Variants in EIF2S1 observed in about 807,000 individuals in gnomAD.
The protein encoded by EIF2S1 is eukaryotic translation initiation factor 2 subunit alpha.
EIF2S1 carries 5 observed loss-of-function variants against 33.5 expected under a neutral mutation model. That is an observed-to-expected ratio of 0.15 (90% CI 0.08 to 0.31). The LOEUF (loss-of-function observed/expected upper bound fraction) is 0.31. EIF2S1 is among the 10% of genes least tolerant of loss of function. The pLI is 1.00. For missense variants in EIF2S1, 191 were observed against 384.6 expected (o/e 0.50, Z 4.21); for synonymous variants, 99 against 127.5 (o/e 0.78, Z 1.51).
intron 2 of EIF2S1, among the ~76,000 whole-genome samples, chr14:67,368,843 T>G (rs191734242): frequency 1.3e-4 from 19 of 151,658 alleles, no homozygotes; most frequent in Non-Finnish European, 2.4e-4. Context: ...GGCAACATAG[T>G]GAAACTATCT....
chr14:67,361,079 A>G (rs2085734814), intron 1 of EIF2S1, among the ~76,000 whole-genome samples: 1 of 152,208 alleles, frequency 6.6e-6, no homozygotes, highest in African/African-American at 2.4e-5. Context: ...ATGAGAATAG[A>G]ACTGTGTTAA....
At chr14:67,379,815 C>T (rs1319512675) in intron 4 of EIF2S1, among the ~76,000 whole-genome samples, 4 of 150,820 alleles carry the variant, frequency 2.7e-5, no homozygotes, top group East Asian at 2.0e-4. Context: ...CCACTACGCC[C>T]GGCTAATTTT....
chr14:67,382,022 A>C (rs189604722), intron 6 of EIF2S1, among the ~76,000 whole-genome samples: 1 of 152,234 alleles, frequency 6.6e-6, no homozygotes, highest in Non-Finnish European at 1.5e-5. Flanking sequence ...ATCTGTACAC[A>C]TACAAGTTTT....
rs2085889207 is a variant in EIF2S1, at chr14:67,381,807, A to C, written c.678+117A>C. On this transcript the variant is annotated intron_variant, in intron 6 of 7. Transcript: ENST00000256383. ...ATTTCATAACAAAAGTGGGTTTTTT[A>C]CTCTTAAAATTGAGCAGTGGTTCTT... 7.5e-6 allele frequency: 5 copies of C among 670,650 alleles called. No homozygotes were observed. In the Admixed American group the frequency reaches 8.7e-5, roughly 12 times the overall value. The allele number at this position is 670,650 out of a possible 1,614,324, so 41.5% of individuals were successfully genotyped here. A position where few individuals can be genotyped will look rare whatever the true frequency, so the allele number is the denominator to read the frequency against.
chr14:67,360,353 A>T lies in EIF2S1; in HGVS notation c.-105A>T, dbSNP rs2085725507. ...ATGCGCGGTGGAGTGAGCGAAGCGC[A>T]CGCTGAGGAGGATCGGCGGCCGGTG... On this transcript the variant is annotated 5_prime_UTR_variant, in exon 1 of 8. Coordinates refer to ENST00000256383, the MANE Select transcript of EIF2S1 (RefSeq NM_004094.5). 1 of 397,348 alleles carries T rather than the reference A, an allele frequency of 2.5e-6. No individual in the cohort carries two copies. The highest frequency in any genetic ancestry group is 4.4e-6 in the Non-Finnish European group (1 of 225,508). 24.6% of individuals were successfully genotyped at this position (397,348 alleles called of 1,614,324 possible).
chr14:67,377,186 G>T (rs906037229), intron 4 of EIF2S1, among the ~76,000 whole-genome samples: 2 of 151,980 alleles, frequency 1.3e-5, no homozygotes, highest in African/African-American at 4.8e-5. Context: ...TCATTTTAAC[G>T]ACTTTGTTGC....
Position 67,385,166 on chromosome 14 carries a change from C to T in EIF2S1, c.*1726C>T, listed in dbSNP as rs550435405. On this transcript the variant is annotated 3_prime_UTR_variant, in exon 8 of 8. Transcript: ENST00000256383. ...CTGATACCACGAGGAAAAGAACAAA[C>T]AAAACTTAAAAGTATTCATACACCT... 2 of 152,184 alleles carry T rather than the reference C, an allele frequency of 1.3e-5. No individual in the cohort carries two copies. Among genetic ancestry groups the T allele is most frequent in the East Asian group, 3.9e-4 (2 of 5,186 alleles). The allele number at this position is 152,184 out of a possible 1,614,324, so 9.4% of individuals were successfully genotyped here.
At chr14:67,374,324 C>T (rs2085845091) in intron 2 of EIF2S1, 144 bp from the exon 3 acceptor site, 1 of 464,642 alleles carries the variant, frequency 2.2e-6, no homozygotes, top group South Asian at 6.3e-5. Context: ...CCTTGTAATA[C>T]TTATGCAGTA....
Position 67,360,449 on chromosome 14 carries a change from T to C in EIF2S1, c.-9T>C, listed in dbSNP as rs1389018823. On this transcript the variant is annotated 5_prime_UTR_variant, in exon 1 of 8. Coordinates refer to ENST00000256383, the MANE Select transcript of EIF2S1 (RefSeq NM_004094.5). ...GGCTCCAGTGCGGGAATCACACACA[T>C]ACCTCAGGTGACTAATCCCAAGCTC... 1 of 378,772 alleles carries C rather than the reference T, an allele frequency of 2.6e-6. No individual in the cohort carries two copies. The highest frequency in any genetic ancestry group is 4.7e-6 in the Non-Finnish European group (1 of 214,190). The allele number at this position is 378,772 out of a possible 1,614,324, so 23.5% of individuals were successfully genotyped here.
chr14:67,382,485 G>C lies in EIF2S1; in HGVS notation c.717G>C (p.Thr239=), dbSNP rs1803529. The C allele has an allele frequency of 6.2e-7, 1 of 1,613,486 alleles. No homozygotes were observed. Among genetic ancestry groups the C allele is most frequent in the Non-Finnish European group, 8.5e-7 (1 of 1,179,638 alleles). ...LIAPPRYVMT[T]TTLERTEGLS... ...CTCCTCCTCGGTATGTAATGACTAC[G>C]ACAACCCTGGAGAGAACAGAAGGCC... is the stretch of plus-strand genomic sequence containing the variant. The change falls in exon 7 of 8, where the codon ACG becomes ACC. Residue 239 remains threonine, a synonymous_variant. Coordinates refer to ENST00000256383, the MANE Select transcript of EIF2S1 (RefSeq NM_004094.5).
chr14:67,375,232 C>CTGTGTGTGTGTGTGTGTGTGTG (rs3067321), intron 3 of EIF2S1, among the ~76,000 whole-genome samples: 1 of 137,574 alleles, frequency 7.3e-6, no homozygotes, highest in African/African-American at 2.7e-5. Flanking sequence ...ATCCTCAGTT[C>CTGTGTGTGTGTGTGTGTGTGTG]TGTGTGTGTG....
intron 2 of EIF2S1, among the ~76,000 whole-genome samples, chr14:67,370,456 T>G (rs941945939): frequency 2.6e-5 from 4 of 152,060 alleles, no homozygotes; most frequent in Admixed American, 6.5e-5. Context: ...AGAGCAAAAT[T>G]GATAAACCCC....
At chr14:67,365,890 A>G (rs1244319737) in intron 2 of EIF2S1, among the ~76,000 whole-genome samples, 1 of 152,120 alleles carries the variant, frequency 6.6e-6, no homozygotes, top group Non-Finnish European at 1.5e-5. Flanking sequence ...TAGATGATAC[A>G]TAGATTTTGA....
At chr14:67,375,331 C>A (rs1182715211) in intron 3 of EIF2S1, among the ~76,000 whole-genome samples, 1 of 151,264 alleles carries the variant, frequency 6.6e-6, no homozygotes, top group Non-Finnish European at 1.5e-5. Context: ...TCTCAACTTA[C>A]TGCAACCACC....
intron 2 of EIF2S1, among the ~76,000 whole-genome samples, chr14:67,369,466 G>C (rs1477250514): frequency 6.6e-6 from 1 of 152,186 alleles, no homozygotes; most frequent in Non-Finnish European, 1.5e-5. Flanking sequence ...GATCAATGAA[G>C]ACCTTGACTT....
chr14:67,366,883 A>C (rs918078656), intron 2 of EIF2S1, among the ~76,000 whole-genome samples: 4 of 152,192 alleles, frequency 2.6e-5, no homozygotes, highest in African/African-American at 9.7e-5. Context: ...ACCTAAGTAC[A>C]TGCTGAAGAC....
intron 2 of EIF2S1, among the ~76,000 whole-genome samples, chr14:67,368,361 A>G (rs1342797324): frequency 1.3e-5 from 2 of 152,192 alleles, no homozygotes; most frequent in African/African-American, 2.4e-5. Flanking sequence ...TGCTCTGCAT[A>G]AGAAAGGCAT....
intron 2 of EIF2S1, among the ~76,000 whole-genome samples, chr14:67,369,048 T>C (rs1203756797): frequency 6.6e-6 from 1 of 152,244 alleles, no homozygotes; most frequent in African/African-American, 2.4e-5. Context: ...AATTCATTTA[T>C]ATCAGTAATT....
chr14:67,375,440 G>C (rs2085852465), intron 3 of EIF2S1, among the ~76,000 whole-genome samples: 1 of 151,514 alleles, frequency 6.6e-6, no homozygotes, highest in Non-Finnish European at 1.5e-5. Flanking sequence ...GTTCTTAGTG[G>C]TACTGTTTGT....
Sources: gnomAD v4.1 joint callset for allele counts (sites outside exome capture counted in the v4.1 genomes callset) on GRCh38, gnomAD v4.1.1 for gene constraint, MANE v1.5 for transcripts, NCBI Gene and HGNC (gene_info 2026-07-23, HGNC 2026-07-21) for gene names.